The following MVB12B variants were observed in gnomAD, a reference collection of about 807,000 sequenced individuals.
The protein encoded by MVB12B is ESCRT-I complex subunit MVB12B.
MVB12B carries 16 observed loss-of-function variants against 41.6 expected under a neutral mutation model. That is an observed-to-expected ratio of 0.38 (90% CI 0.26 to 0.58). The LOEUF (loss-of-function observed/expected upper bound fraction) is 0.58, where lower values mean the gene tolerates loss of function less well. Ranked by LOEUF, MVB12B falls within the 20% of genes least tolerant of loss-of-function variation. The pLI, the probability that MVB12B is intolerant of heterozygous loss-of-function variation, is 0.62. For synonymous variants in MVB12B, 133 were observed against 139.7 expected, an observed-to-expected ratio of 0.95 and a Z score of 0.34; for missense variants, 274 against 380.2, an observed-to-expected ratio of 0.72 and a Z score of 2.32.
At chr9:126,499,399 G>A (rs1033732636) in intron 9 of MVB12B, among the ~76,000 whole-genome samples, 1 of 152,176 alleles carries the variant, frequency 6.6e-6, no homozygotes, top group Admixed American at 6.5e-5. Context: ...AGCTGGACCG[G>A]GCTGTGCGGA....
chr9:126,447,817 T>C (rs549812295), intron 7 of MVB12B, among the ~76,000 whole-genome samples: 1 of 152,202 alleles, frequency 6.6e-6, no homozygotes, highest in African/African-American at 2.4e-5. Context: ...ATTTTGATCA[T>C]TGGTTTTATT....
At chr9:126,416,591 T>C (rs1377554045) in intron 6 of MVB12B, among the ~76,000 whole-genome samples, 1 of 152,214 alleles carries the variant, frequency 6.6e-6, no homozygotes, top group Non-Finnish European at 1.5e-5. Context: ...AGTCTCATTT[T>C]ATATACCCGA....
chr9:126,360,999 G>A (rs999064897), intron 2 of MVB12B, among the ~76,000 whole-genome samples: 3 of 152,156 alleles, frequency 2.0e-5, no homozygotes, highest in East Asian at 1.9e-4. Context: ...TGTAGACACC[G>A]TATTATCTAG....
At chr9:126,379,351 A>G (rs1454260114) in intron 2 of MVB12B, among the ~76,000 whole-genome samples, 1 of 152,178 alleles carries the variant, frequency 6.6e-6, no homozygotes, top group Non-Finnish European at 1.5e-5. Context: ...TTGGGAGACA[A>G]AAATCTTTCA....
chr9:126,374,754 C>G (rs901830018), intron 2 of MVB12B, among the ~76,000 whole-genome samples: 1 of 152,230 alleles, frequency 6.6e-6, no homozygotes, highest in African/African-American at 2.4e-5. Flanking sequence ...AACAAGCTAA[C>G]TAGGAGTGAG....
chr9:126,484,082 A>T, intron 9 of MVB12B, 50 bp downstream of exon 9: 5 of 1,548,832 alleles, frequency 3.2e-6, no homozygotes, highest in Middle Eastern at 1.7e-4. Context: ...CATCGCCTGC[A>T]CACCGGCGTC....
chr9:126,479,740 G>A lies in MVB12B; in HGVS notation c.758-1629G>A, dbSNP rs139357760. ...AGCGGCCCTTCCAAGAGAGGAGGGC[G>A]CGGGGAATGCAGCGACTGCCGCCAC... On this transcript the variant is annotated intron_variant, in intron 7 of 9. Coordinates refer to ENST00000361171, the MANE Select transcript of MVB12B (RefSeq NM_033446.3). Among the ~76,000 whole-genome samples, 492 of 152,318 alleles carry A rather than the reference G, an allele frequency of 3.2e-3. 19 individuals carry two copies. In the East Asian group the frequency reaches 0.077, roughly 24 times the overall value.
intron 1 of MVB12B, among the ~76,000 whole-genome samples, chr9:126,327,513 G>C (rs570091): frequency 0.83 from 126,710 of 152,162 alleles, 53,187 homozygotes; most frequent in African/African-American, 0.91. Context: ...CACCTGTCTG[G>C]AAGGTGACAT....
intron 7 of MVB12B, among the ~76,000 whole-genome samples, chr9:126,427,998 A>G (rs2119107380): frequency 6.6e-6 from 1 of 150,580 alleles, no homozygotes; most frequent in African/African-American, 2.4e-5. Context: ...TGGAAAAGCC[A>G]GCTTATTGCC....
rs565120002 is a variant in MVB12B, at chr9:126,413,105, G to A, written c.663-8749G>A. 2.5e-4 allele frequency among the ~76,000 whole-genome samples: 38 copies of A among 152,126 alleles called. 1 individual carries two copies. The South Asian group carries it at 7.5e-3, about 30-fold the overall frequency. On this transcript the variant is annotated intron_variant, in intron 6 of 9. Transcript: ENST00000361171. The stretch of plus-strand genomic sequence containing the variant: ...AGATCATATTCCATACACAGATCCC[G>A]AGCATCTCACTCCAACCCTCTCCAC...
At position 126,411,647 on chromosome 9, in the gene MVB12B, CAA is replaced by C. The variant is rs202086188; in HGVS notation, c.663-10202_663-10201del. Among the ~76,000 whole-genome samples the C allele has an allele frequency of 7.6e-3, 1,159 of 152,122 alleles. 16 individuals are homozygous for C. The highest frequency in any genetic ancestry group is 0.026 in the African/African-American group (1,099 of 41,514). ...GGCTTGTGTCAATTACAAAACGAAA[CAA>C]AAAAGAGACTCATCAGACCGTGACA... On this transcript the variant is annotated intron_variant, in intron 6 of 9. Coordinates refer to ENST00000361171, the MANE Select transcript of MVB12B (RefSeq NM_033446.3).
chr9:126,339,516 C>G (rs2118818185), intron 1 of MVB12B, among the ~76,000 whole-genome samples: 1 of 152,306 alleles, frequency 6.6e-6, no homozygotes, highest in East Asian at 1.9e-4. Flanking sequence ...AGACCCAGTG[C>G]TCTCTATATT....
chr9:126,407,448 TC>T (rs1157563854), intron 6 of MVB12B, among the ~76,000 whole-genome samples: 1 of 152,156 alleles, frequency 6.6e-6, no homozygotes, highest in Non-Finnish European at 1.5e-5. Flanking sequence ...TCTTCATACT[TC>T]TTCAATTCTA....
At chr9:126,458,418 A>G (rs533274457) in intron 7 of MVB12B, among the ~76,000 whole-genome samples, 218 of 151,910 alleles carry the variant, frequency 1.4e-3, no homozygotes, top group Non-Finnish European at 2.5e-3. Context: ...GGGCTTTCTG[A>G]CCCCTGGCCG....
chr9:126,467,974 A>C (rs1168204078), intron 7 of MVB12B, among the ~76,000 whole-genome samples: 3 of 152,232 alleles, frequency 2.0e-5, no homozygotes, highest in Non-Finnish European at 4.4e-5. Context: ...GTGTGTAGAG[A>C]GAAATATATG....
At chr9:126,489,614 G>C (rs741023) in intron 9 of MVB12B, among the ~76,000 whole-genome samples, 1 of 151,992 alleles carries the variant, frequency 6.6e-6, no homozygotes, top group Non-Finnish European at 1.5e-5. Flanking sequence ...GTGGCTGAAA[G>C]TGAAGGAAGC....
intron 9 of MVB12B, among the ~76,000 whole-genome samples, chr9:126,485,632 G>A (rs574387877): frequency 1.6e-4 from 11 of 70,346 alleles, no homozygotes; most frequent in Non-Finnish European, 2.7e-4. Flanking sequence ...TCAGGGTACC[G>A]TCCACTGTGC....
chr9:126,358,809 T>C (rs1355703604), intron 2 of MVB12B, among the ~76,000 whole-genome samples: 1 of 152,226 alleles, frequency 6.6e-6, no homozygotes, highest in African/African-American at 2.4e-5. Context: ...CTGAACTGGC[T>C]AGAGCATCCA....
Position 126,368,949 on chromosome 9 carries a change from A to G in MVB12B, c.205-12115A>G, listed in dbSNP as rs1564293183. On this transcript the variant is annotated intron_variant, in intron 2 of 9. Transcript: ENST00000361171. ...GCTTTATTTTTATGAAGATGTACAT[A>G]TGTCATGTAGATCTTTCTAGACTCG... 3.9e-5 allele frequency among the ~76,000 whole-genome samples: 6 copies of G among 152,156 alleles called. No homozygotes were observed. The South Asian group carries it at 1.2e-3, about 32-fold the overall frequency.
Sources: allele counts gnomAD v4.1 joint callset (sites outside exome capture counted in the v4.1 genomes callset), GRCh38; gene constraint gnomAD v4.1.1; transcripts MANE v1.5; gene names NCBI Gene and HGNC (gene_info 2026-07-23, HGNC 2026-07-21).